SDCCAG8: variants seen among roughly 807,000 people sequenced by gnomAD.
SDCCAG8 encodes serologically defined colon cancer antigen 8.
SDCCAG8 carries 74 observed loss-of-function variants against 101.8 expected under a neutral mutation model. The observed-to-expected ratio is 0.73, with a 90% CI of 0.60 to 0.88. The LOEUF is 0.88. SDCCAG8 is among the 40% of genes least tolerant of loss of function. The probability of loss-of-function intolerance (pLI) is 0.00; values close to 1 mark genes in which losing one functional copy is unlikely to be tolerated. For missense variants in SDCCAG8, 787 were observed against 822.6 expected (o/e 0.96, Z 0.53); for synonymous variants, 281 against 292.9 (o/e 0.96, Z 0.41).
chr1:243,497,439 G>C (rs1668282798), intron 17 of SDCCAG8, among the ~76,000 whole-genome samples: 2 of 151,850 alleles, frequency 1.3e-5, no homozygotes, highest in South Asian at 4.2e-4. Flanking sequence ...AAAGCCCATA[G>C]AGATGGCCAT....
At chr1:243,488,704 C>T (rs547267402) in intron 16 of SDCCAG8, among the ~76,000 whole-genome samples, 9 of 152,194 alleles carry the variant, frequency 5.9e-5, no homozygotes, top group Non-Finnish European at 1.2e-4. Flanking sequence ...GCATTTAGGC[C>T]CCTCATCTTT....
intron 16 of SDCCAG8, among the ~76,000 whole-genome samples, chr1:243,444,131 T>C (rs2082731535): frequency 6.6e-6 from 1 of 152,204 alleles, no homozygotes; most frequent in South Asian, 2.1e-4. Context: ...GAGCCTAGTT[T>C]GTATAATTTT....
chr1:243,425,069 C>T (rs1349703631), intron 15 of SDCCAG8, among the ~76,000 whole-genome samples: 3 of 152,072 alleles, frequency 2.0e-5, no homozygotes, highest in Non-Finnish European at 4.4e-5. Context: ...TCATTATTAA[C>T]TCCTTTCGGA....
At chr1:243,321,354 A>G (rs1463266085) in intron 9 of SDCCAG8, among the ~76,000 whole-genome samples, 3 of 151,654 alleles carry the variant, frequency 2.0e-5, no homozygotes, top group Non-Finnish European at 4.4e-5. Context: ...ATAGTGCCCC[A>G]TAGGTACTTT....
At chr1:243,491,631 CT>C (rs1158711796) in intron 17 of SDCCAG8, among the ~76,000 whole-genome samples, 3 of 152,328 alleles carry the variant, frequency 2.0e-5, no homozygotes, top group Non-Finnish European at 4.4e-5. Flanking sequence ...GCTTCAGCCT[CT>C]GCGATGCCTT....
At chr1:243,293,621 A>C (rs2070493099) in intron 6 of SDCCAG8, 1 of 374,304 alleles carries the variant, frequency 2.7e-6, no homozygotes. Flanking sequence ...AGCATGTGTC[A>C]AAATTTCAAG....
chr1:243,259,294 C>T (rs986350261), intron 1 of SDCCAG8, among the ~76,000 whole-genome samples: 21 of 151,894 alleles, frequency 1.4e-4, no homozygotes, highest in Non-Finnish European at 5.9e-5. Flanking sequence ...GTAGTCCCAG[C>T]TACTCAGGAG....
chr1:243,484,767 C>G (rs373302233), intron 16 of SDCCAG8, among the ~76,000 whole-genome samples: 2 of 152,248 alleles, frequency 1.3e-5, no homozygotes, highest in South Asian at 2.1e-4. Flanking sequence ...AGGTGTTGGC[C>G]GGGCGCGGTG....
intron 16 of SDCCAG8, among the ~76,000 whole-genome samples, chr1:243,480,742 T>C: frequency 1.6e-5 from 1 of 61,034 alleles, no homozygotes; most frequent in Non-Finnish European, 3.0e-5. Context: ...GAATGGGGGA[T>C]GGATGGATGG....
intron 9 of SDCCAG8, among the ~76,000 whole-genome samples, chr1:243,327,877 A>G (rs957989978): frequency 6.6e-6 from 1 of 152,166 alleles, no homozygotes; most frequent in Non-Finnish European, 1.5e-5. Flanking sequence ...AAATAAAAGT[A>G]AAAGCTATTT....
At chr1:243,351,917 A>C (rs1452399606) in intron 12 of SDCCAG8, among the ~76,000 whole-genome samples, 1 of 152,244 alleles carries the variant, frequency 6.6e-6, no homozygotes, top group Non-Finnish European at 1.5e-5. Context: ...AGCAGTTCCA[A>C]ATCAATCCAG....
rs146085060 is a variant in SDCCAG8 at position 243,257,915 on chromosome 1, T to C, written c.67+1675T>C. 2.4e-3 allele frequency among the ~76,000 whole-genome samples: 367 copies of C among 152,330 alleles called. 1 individual carries two copies. Among genetic ancestry groups the C allele is most frequent in the African/African-American group, 8.4e-3 (350 of 41,578 alleles). Reference sequence around the variant, plus strand: ...AAGTTTTTCCTGATGCTTCTCTTCCTTTGACCTTATTTTAAGTCTTTATAT... The same window carrying C: ...AAGTTTTTCCTGATGCTTCTCTTCCCTTGACCTTATTTTAAGTCTTTATAT... On this transcript the variant is annotated intron_variant, in intron 1 of 17. Coordinates refer to ENST00000366541, the MANE Select transcript of SDCCAG8 (RefSeq NM_006642.5).
rs1390963789 is a variant in SDCCAG8, at chr1:243,378,821, CA to C, written c.1575del (p.Glu526AsnfsTer42). On this transcript the variant is annotated frameshift_variant, in exon 13 of 18. Coordinates refer to ENST00000366541, the MANE Select transcript of SDCCAG8 (RefSeq NM_006642.5). LOFTEE classifies it high-confidence loss of function. ...ALAREECLRL[T>X]ELLGESEHQL... is the part of the protein sequence containing the mutation. ...GCCAGAGAGGAGTGCCTGAGACTAA[CA>C]GAACTGCTGGGCGAATCTGAGCACC... The C allele has an allele frequency of 6.2e-7, 1 of 1,614,070 alleles. No individual in the cohort carries two copies. The highest frequency in any genetic ancestry group is 1.1e-5 in the South Asian group (1 of 91,076).
At chr1:243,488,259 G>A (rs1260146883) in intron 16 of SDCCAG8, 1 of 152,430 alleles carries the variant, frequency 6.6e-6, no homozygotes, top group Non-Finnish European at 1.5e-5. Context: ...AATGCACCTT[G>A]AGCTTTAATG....
chr1:243,388,922 T>C (rs1293461987), intron 13 of SDCCAG8, among the ~76,000 whole-genome samples: 1 of 149,440 alleles, frequency 6.7e-6, no homozygotes, highest in Non-Finnish European at 1.5e-5. Flanking sequence ...GCCTGAGTCC[T>C]GGCTATTTGG....
chr1:243,410,570 G>C (rs1377407970), intron 13 of SDCCAG8, among the ~76,000 whole-genome samples: 3 of 152,138 alleles, frequency 2.0e-5, no homozygotes, highest in Non-Finnish European at 4.4e-5. Flanking sequence ...AAAAAGGTGA[G>C]TAGGAACATG....
intron 13 of SDCCAG8, among the ~76,000 whole-genome samples, chr1:243,393,131 A>T (rs2078806437): frequency 6.6e-6 from 1 of 152,200 alleles, no homozygotes; most frequent in Non-Finnish European, 1.5e-5. Context: ...CAAAATCAGG[A>T]TAAAAGAGAA....
intron 6 of SDCCAG8, among the ~76,000 whole-genome samples, chr1:243,294,891 G>T (rs1015367367): frequency 6.6e-6 from 1 of 152,100 alleles, no homozygotes; most frequent in Non-Finnish European, 1.5e-5. Flanking sequence ...GAAAGAGTGA[G>T]ATTAACACTG....
intron 17 of SDCCAG8, among the ~76,000 whole-genome samples, chr1:243,494,334 G>T (rs1241853758): frequency 3.3e-5 from 5 of 152,134 alleles, no homozygotes; most frequent in Non-Finnish European, 7.4e-5. Flanking sequence ...AGTTTGCCCT[G>T]ATTCTTTCAA....
Sources: gnomAD v4.1 joint callset for allele counts (sites outside exome capture counted in the v4.1 genomes callset) on GRCh38, gnomAD v4.1.1 for gene constraint, MANE v1.5 for transcripts, NCBI Gene and HGNC (gene_info 2026-07-23, HGNC 2026-07-21) for gene names.